The following AGMAT variants were observed in gnomAD, a reference collection of about 807,000 sequenced individuals.
The protein encoded by AGMAT is guanidino acid hydrolase, mitochondrial.
In AGMAT, 37 loss-of-function variants were observed where a neutral mutation model predicts 29.3. That is an observed-to-expected ratio of 1.26 (90% CI 0.97 to 1.66). The LOEUF is 1.66. Among genes scored for constraint, AGMAT ranks in the 40% most tolerant of loss-of-function variants. The pLI, the probability that AGMAT is intolerant of heterozygous loss-of-function variation, is 0.00. For synonymous variants in AGMAT, 199 were observed against 200.8 expected (o/e 0.99, Z 0.08); for missense variants, 498 against 497.8 (o/e 1.00, Z 0.00).
intron 4 of AGMAT, 111 bp from the exon 5 acceptor site, chr1:15,577,975 A>C (rs1484315421): frequency 5.8e-6 from 6 of 1,025,990 alleles, no homozygotes; most frequent in Non-Finnish European, 7.0e-6. Context: ...CTCCATCTCC[A>C]TGAAGAGGGA....
chr1:15,579,185 G>A, intron 3 of AGMAT, 131 bp from the exon 4 acceptor site: 1 of 787,210 alleles, frequency 1.3e-6, no homozygotes, highest in East Asian at 2.7e-5. Context: ...TTTCTGCCTT[G>A]CAACTGGTTC....
At position 15,578,906 on chromosome 1, in the gene AGMAT, G is replaced by C. The variant is rs199608628; in HGVS notation, c.673C>G (p.Arg225Gly). 2 of 1,614,098 alleles carry C rather than the reference G, an allele frequency of 1.2e-6. No homozygotes were observed. The highest frequency in any genetic ancestry group is 1.7e-6 in the Non-Finnish European group (2 of 1,180,026). The change falls in exon 4 of 7, where the codon CGG becomes GGG. Residue 225 changes from arginine (R) to glycine (G), a missense_variant. Transcript: ENST00000375826. ...GGATCCAAGGTCGTGGAAGAGCCCC[G>C]GATGCCAATCTGCACCACACGCTTA... The part of the protein sequence containing the change: ...DCKRVVQIGI[R>G]GSSTTLDPYR...
rs529018005 is a variant in AGMAT at position 15,579,068 on chromosome 1, G to C, written c.525-14C>G. ...ACTGGGCCATGCCTGATGACAACAG[G>C]GCAGCTCAGAGGCCAACCCTCCCTG... On this transcript the variant is annotated splice_polypyrimidine_tract_variant and intron_variant, in intron 3 of 6. Transcript: ENST00000375826. 1 of 1,612,304 alleles carries C rather than the reference G, an allele frequency of 6.2e-7. No homozygotes were observed. The highest frequency in any genetic ancestry group is 8.5e-7 in the Non-Finnish European group (1 of 1,179,068).
intron 1 of AGMAT, among the ~76,000 whole-genome samples, chr1:15,583,874 C>G (rs1265994765): frequency 6.6e-6 from 1 of 152,202 alleles, no homozygotes; most frequent in African/African-American, 2.4e-5. Flanking sequence ...TATAGTGTTG[C>G]TGAGCTGAAT....
At chr1:15,584,005 G>A (rs1276957384) in intron 1 of AGMAT, among the ~76,000 whole-genome samples, 1 of 152,180 alleles carries the variant, frequency 6.6e-6, no homozygotes, top group Non-Finnish European at 1.5e-5. Context: ...ATTTGGGGAA[G>A]GGGCAGCCAG....
In AGMAT at chr1:15,578,893, G is replaced by A. The variant is rs75133544; in HGVS notation, c.686C>T (p.Thr229Met). Residue 229 changes from threonine (T) to methionine (M), a missense_variant, in exon 4 of 7, where the codon ACG (threonine) becomes ATG (methionine). Coordinates refer to ENST00000375826, the MANE Select transcript of AGMAT (RefSeq NM_024758.5). ...GTTGTATCTGTAGGGATCCAAGGTC[G>A]TGGAAGAGCCCCGGATGCCAATCTG... ...VVQIGIRGSSTTLDPYRYNRS... is the reference protein window; with the variant it reads ...VVQIGIRGSSMTLDPYRYNRS... The A allele has an allele frequency of 8.6e-4, 1,394 of 1,614,134 alleles. 9 individuals are homozygous for A. In the African/African-American group the frequency reaches 0.014, roughly 16 times the overall value.
rs749721152 is a variant in AGMAT, at chr1:15,584,718, T to A, written c.250A>T (p.Thr84Ser). 7.5e-7 allele frequency: 1 copy of A among 1,334,716 alleles called. No homozygotes were observed. The highest frequency in any genetic ancestry group is 9.6e-7 in the Non-Finnish European group (1 of 1,037,162). The allele number at this position is 1,334,716 out of a possible 1,614,324, so 82.7% of individuals were successfully genotyped here. Residue 84 changes from threonine to serine, a missense_variant, in exon 1 of 7, where the codon ACC becomes TCC. Transcript: ENST00000375826. ...AFIGVPLDTGTSNRPGARFGP... is the reference protein window; with the variant it reads ...AFIGVPLDTGSSNRPGARFGP... ...TACCTCGCCCCAGGCCGGTTGGAGGTCCCAGTATCCAGGGGCACCCCGATG... is the reference window on the plus strand; with the variant it reads ...TACCTCGCCCCAGGCCGGTTGGAGGACCCAGTATCCAGGGGCACCCCGATG...
Position 15,579,003 on chromosome 1 carries a change from G to T in AGMAT, c.576C>A (p.Asp192Glu), listed in dbSNP as rs1368068869. The T allele has an allele frequency of 2.5e-6, 4 of 1,614,018 alleles. No homozygotes were observed. Among genetic ancestry groups the T allele is most frequent in the Non-Finnish European group, 3.4e-6 (4 of 1,180,032 alleles). ...GGTAGAGCTTCTCTCCTAGGGCCTT[G>T]TCGGTCGTGTCCGTGTGCGCATCCA... ...LHVDAHTDTT[D>E]KALGEKLYHG... Residue 192 changes from aspartate to glutamate, a missense_variant, in exon 4 of 7, where the codon GAC becomes GAA. By Grantham distance (45) the Asp-to-Glu change is conservative (BLOSUM62 2). Coordinates refer to ENST00000375826, the MANE Select transcript of AGMAT (RefSeq NM_024758.5).
Position 15,584,765 on chromosome 1 carries a change from G to A in AGMAT, c.203C>T (p.Pro68Leu). ...GATGAAGGCAGCGTCCAGCCCCTCG[G>A]GGGAGGTCTGCACCGGCAGGCGCAT... ...SMMRLPVQTSPEGLDAAFIGV... is the reference protein window; with the variant it reads ...SMMRLPVQTSLEGLDAAFIGV... Residue 68 changes from proline (P) to leucine (L), a missense_variant, in exon 1 of 7, where the codon CCC becomes CTC. Pro to Leu is a moderately conservative substitution (Grantham distance 98). Transcript: ENST00000375826. 1 of 1,366,046 alleles carries A rather than the reference G, an allele frequency of 7.3e-7. No individual in the cohort carries two copies. The highest frequency in any genetic ancestry group is 9.5e-7 in the Non-Finnish European group (1 of 1,055,746). The allele number at this position is 1,366,046 out of a possible 1,614,324, so 84.6% of individuals were successfully genotyped here.
At chr1:15,581,226 T>C (rs1444273118) in intron 2 of AGMAT, among the ~76,000 whole-genome samples, 2 of 151,830 alleles carry the variant, frequency 1.3e-5, no homozygotes, top group Admixed American at 1.3e-4. Context: ...CAAACGCCTG[T>C]AGACCCAGCT....
At chr1:15,584,638 C>T in intron 1 of AGMAT, 58 bp downstream of exon 1, 1 of 1,257,248 alleles carries the variant, frequency 8.0e-7, no homozygotes, top group Non-Finnish European at 1.0e-6. Flanking sequence ...CTTTCCATGC[C>T]CGACAGCCAG....
At chr1:15,583,706 T>C (rs1639146981) in intron 1 of AGMAT, among the ~76,000 whole-genome samples, 1 of 152,176 alleles carries the variant, frequency 6.6e-6, no homozygotes, top group South Asian at 2.1e-4. Flanking sequence ...ATGGCATTAG[T>C]GAATTTCATG....
At chr1:15,574,580 G>C (rs1386898659) in intron 6 of AGMAT, among the ~76,000 whole-genome samples, 177 bp downstream of exon 6, 2 of 152,034 alleles carry the variant, frequency 1.3e-5, no homozygotes, top group East Asian at 1.9e-4. Flanking sequence ...GTTTCGCCAT[G>C]TTGGCCAAAT....
In AGMAT at chr1:15,572,688, G is replaced by A. The variant is rs1638974112; in HGVS notation, c.*963C>T. Reference sequence around the variant, plus strand: ...GGTTTTCTAGTTTAGAAGACATTTTGTGTACCCTTCTAGGCCTCTGAGCAA... The same window carrying A: ...GGTTTTCTAGTTTAGAAGACATTTTATGTACCCTTCTAGGCCTCTGAGCAA... On this transcript the variant is annotated 3_prime_UTR_variant, in exon 7 of 7. Coordinates refer to ENST00000375826, the MANE Select transcript of AGMAT (RefSeq NM_024758.5). 1 of 152,034 alleles carries A rather than the reference G, an allele frequency of 6.6e-6. No homozygotes were observed. Among genetic ancestry groups the A allele is most frequent in the African/African-American group, 2.4e-5 (1 of 41,386 alleles). 9.4% of individuals were successfully genotyped at this position (152,034 alleles called of 1,614,324 possible). A position where few individuals can be genotyped will look rare whatever the true frequency, so the allele number is the denominator to read the frequency against.
chr1:15,577,976 T>C, intron 4 of AGMAT, 112 bp from the exon 5 acceptor site: 6 of 1,025,148 alleles, frequency 5.9e-6, no homozygotes, highest in Non-Finnish European at 8.4e-6. Context: ...TCCATCTCCA[T>C]GAAGAGGGAA....
At chr1:15,578,242 C>T (rs6429755) in intron 4 of AGMAT, among the ~76,000 whole-genome samples, 1,772 of 152,068 alleles carry the variant, frequency 0.012, 39 homozygotes, top group African/African-American at 0.039. Flanking sequence ...CTAGAGGGTA[C>T]GAGGACCAGA....
At chr1:15,574,105 A>G (rs1638998813) in intron 6 of AGMAT, among the ~76,000 whole-genome samples, 2 of 152,176 alleles carry the variant, frequency 1.3e-5, no homozygotes, top group Admixed American at 1.3e-4. Flanking sequence ...CTAAGTTCCT[A>G]TTTGATAAAT....
At chr1:15,574,504 G>A (rs2103435610) in intron 6 of AGMAT, among the ~76,000 whole-genome samples, 1 of 151,578 alleles carries the variant, frequency 6.6e-6, no homozygotes, top group Non-Finnish European at 1.5e-5. Flanking sequence ...TTAGCCTCCT[G>A]AGTACCTGGG....
chr1:15,578,719 C>T (rs1557596572), intron 4 of AGMAT, 140 bp downstream of exon 4: 1 of 956,252 alleles, frequency 1.0e-6, no homozygotes, highest in African/African-American at 1.6e-5. Context: ...CCTTATGCCC[C>T]TGATGATGCA....
Sources: allele counts gnomAD v4.1 joint callset (sites outside exome capture counted in the v4.1 genomes callset), GRCh38; gene constraint gnomAD v4.1.1; transcripts MANE v1.5; gene names NCBI Gene and HGNC (gene_info 2026-07-23, HGNC 2026-07-21).